Variants in KDM6A observed in about 807,000 individuals in gnomAD.
The protein encoded by KDM6A is lysine-specific demethylase 6A.
In KDM6A, 11 loss-of-function variants were observed where a neutral mutation model predicts 117.6. The observed-to-expected ratio is 0.09, with a 90% CI of 0.06 to 0.15. KDM6A has a LOEUF of 0.15. Ranked by LOEUF, KDM6A falls within the 10% of genes least tolerant of loss-of-function variation. The pLI is 1.00. For missense variants in KDM6A, 799 were observed against 1,077.3 expected (o/e 0.74, Z 3.62); for synonymous variants, 384 against 396.1 (o/e 0.97, Z 0.36).
In KDM6A at chrX:45,042,262, AGGGG is replaced by A. The variant is rs1569528662; in HGVS notation, c.654+4574_654+4577del. Among the ~76,000 whole-genome samples the A allele has an allele frequency of 1.2e-3, 6 of 5,149 alleles. 1 individual carries two copies. Among genetic ancestry groups the A allele is most frequent in the Non-Finnish European group, 2.0e-3 (6 of 3,011 alleles). 4.5% of individuals were successfully genotyped at this position (5,149 alleles called of 115,157 possible). On this transcript the variant is annotated intron_variant, in intron 8 of 29. Transcript: ENST00000611820. ...CCGTGGAAGGAGACCGTGGAGGGAG[AGGGG>A]AGAGGGGAGAGGGGAGAGGGGAGAG...
At chrX:44,920,982 C>T (rs1159079078) in intron 2 of KDM6A, among the ~76,000 whole-genome samples, 1 of 104,056 alleles carries the variant, frequency 9.6e-6, no homozygotes, top group Non-Finnish European at 1.9e-5. Context: ...TCAAGCAATT[C>T]TCTTGCCTCA....
chrX:45,000,905 G>A (rs1236990184), intron 4 of KDM6A, among the ~76,000 whole-genome samples: 1 of 113,177 alleles, frequency 8.8e-6, no homozygotes, highest in African/African-American at 3.2e-5. Flanking sequence ...GACAATCTGG[G>A]CCTCTGGCCT....
intron 8 of KDM6A, 91 bp downstream of exon 8, chrX:45,037,780 A>C: frequency 1.4e-6 from 1 of 737,218 alleles, no homozygotes; most frequent in Admixed American, 2.4e-5. Context: ...TGTACAGATA[A>C]TTTAATGGAG....
intron 8 of KDM6A, among the ~76,000 whole-genome samples, chrX:45,051,261 G>T (rs1183322413): frequency 9.0e-6 from 1 of 111,465 alleles, no homozygotes; most frequent in African/African-American, 3.3e-5. Context: ...GCCTGCCTCG[G>T]CCTCCCAAAG....
At chrX:45,096,309 C>T (rs1489748844) in intron 27 of KDM6A, among the ~76,000 whole-genome samples, 1 of 111,564 alleles carries the variant, frequency 9.0e-6, no homozygotes, top group Non-Finnish European at 1.9e-5. Context: ...GCCTTCTCAT[C>T]CGCTCCCTCC....
intron 2 of KDM6A, among the ~76,000 whole-genome samples, chrX:44,911,432 C>T (rs1397071277): frequency 5.6e-5 from 6 of 107,676 alleles, no homozygotes; most frequent in Admixed American, 9.7e-5. Context: ...CCAGACGGGG[C>T]GGCAGGGCAG....
chrX:45,084,687 A>G (rs750262790), intron 24 of KDM6A, among the ~76,000 whole-genome samples: 2 of 110,582 alleles, frequency 1.8e-5, no homozygotes, highest in Non-Finnish European at 3.8e-5. Flanking sequence ...CAGTGATGTG[A>G]TCATAGCTCT....
chrX:45,074,214 G>T (rs1176309156), intron 18 of KDM6A, among the ~76,000 whole-genome samples: 1 of 111,494 alleles, frequency 9.0e-6, no homozygotes, highest in Non-Finnish European at 1.9e-5. Flanking sequence ...TGAGGCCTCT[G>T]TTCTGTTCCA....
chrX:44,966,137 T>TA (rs869123265), intron 3 of KDM6A, among the ~76,000 whole-genome samples: 185 of 103,100 alleles, frequency 1.8e-3, no homozygotes, highest in African/African-American at 3.5e-3. Context: ...TATATATATA[T>TA]TTTTTTTTTA....
At position 44,873,961 on chromosome X, in the gene KDM6A, G is replaced by T. The variant is rs1280926744; in HGVS notation, c.199G>T (p.Ala67Ser). 8.3e-7 allele frequency: 1 copy of T among 1,211,308 alleles called. No individual in the cohort carries two copies. Among genetic ancestry groups the T allele is most frequent in the Admixed American group, 2.2e-5 (1 of 46,119 alleles). Residue 67 changes from alanine (A) to serine (S), a missense_variant, in exon 2 of 30, where the codon GCC (alanine) becomes TCC (serine). Physicochemically the swap from Ala to Ser is moderately conservative, Grantham distance 99. Transcript: ENST00000611820. ...FGFVRFHEDG[A>S]RTKALLGKAV... ...GTTCGTGAGATTTCATGAAGATGGC[G>T]CCAGGACGAAGGCCCTACTGGGCAA... is the stretch of plus-strand genomic sequence containing the variant.
At chrX:44,960,398 C>G (rs1428216186) in intron 2 of KDM6A, among the ~76,000 whole-genome samples, 1 of 111,407 alleles carries the variant, frequency 9.0e-6, no homozygotes, top group Admixed American at 9.5e-5. Context: ...TGTTATTACC[C>G]GTGAAGATAA....
intron 17 of KDM6A, among the ~76,000 whole-genome samples, chrX:45,066,260 C>G: frequency 9.0e-6 from 1 of 111,587 alleles, no homozygotes; most frequent in Non-Finnish European, 1.9e-5. Context: ...ACTGAAGTAG[C>G]AAGTATAGAC....
At chrX:44,890,385 A>G (rs1023440624) in intron 2 of KDM6A, among the ~76,000 whole-genome samples, 1 of 111,964 alleles carries the variant, frequency 8.9e-6, no homozygotes, top group East Asian at 2.8e-4. Context: ...TTGTGTGAAC[A>G]TAAGTTTTCT....
chrX:44,937,882 C>T (rs1437679949), intron 2 of KDM6A, among the ~76,000 whole-genome samples: 2 of 111,960 alleles, frequency 1.8e-5, no homozygotes, highest in Non-Finnish European at 3.8e-5. Context: ...TTTAAAGAGA[C>T]AGAGTCTCAC....
chrX:45,023,631 T>G (rs1057241741), intron 6 of KDM6A, among the ~76,000 whole-genome samples: 3 of 111,914 alleles, frequency 2.7e-5, no homozygotes, highest in East Asian at 2.8e-4. Flanking sequence ...ATGTGTGTGT[T>G]TGTTTTTATA....
rs368612763 is a variant in KDM6A at position 45,034,921 on chromosome X, C to T, written c.565-10C>T. On this transcript the variant is annotated splice_polypyrimidine_tract_variant and intron_variant, in intron 6 of 29. Coordinates refer to ENST00000611820, the MANE Select transcript of KDM6A (RefSeq NM_001291415.2). ...TTGACTGCATTAATTTTCTCACTCT[C>T]GTCTTGCAGCATTTTCAGTTAGCTT... is the stretch of plus-strand genomic sequence containing the variant. 11 of 1,198,446 alleles carry T rather than the reference C, an allele frequency of 9.2e-6. No individual in the cohort carries two copies. The highest frequency in any genetic ancestry group is 1.2e-5 in the Non-Finnish European group (11 of 884,650).
At chrX:45,037,943 T>A (rs2042886826) in intron 8 of KDM6A, among the ~76,000 whole-genome samples, 1 of 111,958 alleles carries the variant, frequency 8.9e-6, no homozygotes, top group Non-Finnish European at 1.9e-5. Flanking sequence ...CATTTGCGGC[T>A]GGGCGCGGTA....
intron 5 of KDM6A, among the ~76,000 whole-genome samples, chrX:45,019,465 G>A (rs147589023): frequency 1.8e-5 from 2 of 111,580 alleles, no homozygotes; most frequent in Admixed American, 1.9e-4. Flanking sequence ...CACTTTTTTG[G>A]GAAGTAAATA....
intron 21 of KDM6A, among the ~76,000 whole-genome samples, chrX:45,079,842 A>G: frequency 8.9e-6 from 1 of 112,219 alleles, no homozygotes; most frequent in Non-Finnish European, 1.9e-5. Context: ...CACCGCACCC[A>G]CCCTCAGTTT....
Sources: gnomAD v4.1 joint callset for allele counts (sites outside exome capture counted in the v4.1 genomes callset) on GRCh38, gnomAD v4.1.1 for gene constraint, MANE v1.5 for transcripts, NCBI Gene and HGNC (gene_info 2026-07-23, HGNC 2026-07-21) for gene names.